NRXN3: variants seen among roughly 807,000 people sequenced by gnomAD.
NRXN3 encodes the protein neurexin 3, also known as neurexin III.
A neutral mutation model predicts 137.6 loss-of-function variants in NRXN3; 32 were observed. The ratio of observed to expected loss-of-function variants is 0.23; its 90% CI spans 0.18 to 0.31. The LOEUF is 0.31. Ranked by LOEUF, NRXN3 falls within the 10% of genes least tolerant of loss-of-function variation. NRXN3 has a pLI of 1.00. For missense variants in NRXN3, 1,574 were observed against 2,062.5 expected (o/e 0.76, Z 4.59); for synonymous variants, 798 against 784.5 (o/e 1.02, Z -0.29).
chr14:79,111,173 T>C (rs988829487), intron 15 of NRXN3, among the ~76,000 whole-genome samples: 1 of 152,082 alleles, frequency 6.6e-6, no homozygotes, highest in Non-Finnish European at 1.5e-5. Context: ...CTGAGGACCA[T>C]TGACTCTGGA....
At chr14:78,823,512 C>T (rs1417970210) in intron 10 of NRXN3, among the ~76,000 whole-genome samples, 1 of 152,160 alleles carries the variant, frequency 6.6e-6, no homozygotes, top group Non-Finnish European at 1.5e-5. Flanking sequence ...CCTGGCACTT[C>T]GCACATCTTT....
chr14:79,144,053 A>C (rs538638219), intron 15 of NRXN3, among the ~76,000 whole-genome samples: 2 of 152,352 alleles, frequency 1.3e-5, no homozygotes, highest in Non-Finnish European at 2.9e-5. Flanking sequence ...ATTGTTAGAA[A>C]TAGCCAAGAA....
intron 2 of NRXN3, among the ~76,000 whole-genome samples, chr14:78,247,557 GTT>G (rs1293901988): frequency 1.3e-5 from 2 of 152,150 alleles, no homozygotes; most frequent in Admixed American, 6.5e-5. Context: ...AACTAGACTT[GTT>G]CATGTTGACA....
chr14:79,545,299 A>G lies in NRXN3; in HGVS notation c.3444+77897A>G, dbSNP rs1017950124. Among the ~76,000 whole-genome samples the G allele has an allele frequency of 2.6e-5, 4 of 152,324 alleles. No homozygotes were observed. The East Asian group carries it at 5.8e-4, about 22-fold the overall frequency. ...AATCCCTTCTTGGGGCCTCTCGGGA[A>G]CAATCTACTTCCTTGCTTTTTCCAG... On this transcript the variant is annotated intron_variant, in intron 16 of 20. Transcript: ENST00000335750.
At chr14:78,803,542 C>A in intron 8 of NRXN3, 78 bp from the exon 9 acceptor site, 2 of 1,369,040 alleles carry the variant, frequency 1.5e-6, no homozygotes, top group South Asian at 1.2e-5. Context: ...TCTCTACTCG[C>A]TTAGCCTGAA....
At chr14:78,977,953 A>G (rs2099474282) in intron 14 of NRXN3, among the ~76,000 whole-genome samples, 1 of 152,170 alleles carries the variant, frequency 6.6e-6, no homozygotes, top group Non-Finnish European at 1.5e-5. Flanking sequence ...TATATCACCA[A>G]TAAAAGGCCA....
intron 10 of NRXN3, among the ~76,000 whole-genome samples, chr14:78,872,191 A>G (rs1052067981): frequency 6.7e-6 from 1 of 149,936 alleles, no homozygotes; most frequent in Non-Finnish European, 1.5e-5. Flanking sequence ...CCTCAATTTT[A>G]TCTTCCAATT....
intron 10 of NRXN3, among the ~76,000 whole-genome samples, chr14:78,849,250 A>G (rs943461422): frequency 2.0e-5 from 3 of 152,082 alleles, no homozygotes; most frequent in African/African-American, 7.2e-5. Context: ...TGGGATGAGA[A>G]GATAATGTAT....
At chr14:78,951,609 C>T (rs1436399694) in intron 10 of NRXN3, among the ~76,000 whole-genome samples, 1 of 152,040 alleles carries the variant, frequency 6.6e-6, no homozygotes, top group Non-Finnish European at 1.5e-5. Flanking sequence ...CTAAAATTAT[C>T]TCATGTTCCT....
intron 14 of NRXN3, among the ~76,000 whole-genome samples, chr14:78,979,325 C>T (rs1218816050): frequency 2.0e-5 from 3 of 152,030 alleles, no homozygotes; most frequent in Non-Finnish European, 4.4e-5. Context: ...TTTTAGCAGT[C>T]GAGACTATAG....
chr14:78,912,286 A>T (rs2099241036), intron 10 of NRXN3, among the ~76,000 whole-genome samples: 1 of 149,702 alleles, frequency 6.7e-6, no homozygotes, highest in African/African-American at 2.4e-5. Context: ...AGGAAGCTTT[A>T]AAAAAAATAC....
chr14:79,732,010 T>A (rs1341174012), intron 19 of NRXN3, among the ~76,000 whole-genome samples: 1 of 152,064 alleles, frequency 6.6e-6, no homozygotes, highest in Non-Finnish European at 1.5e-5. Flanking sequence ...CCCCTCCCAA[T>A]CAGCTCCACC....
At chr14:79,103,467 C>T (rs1250845234) in intron 15 of NRXN3, among the ~76,000 whole-genome samples, 4 of 152,070 alleles carry the variant, frequency 2.6e-5, no homozygotes, top group South Asian at 2.1e-4. Flanking sequence ...ATAATGAGTT[C>T]GTTTTTAGCT....
rs540544891 is a variant in NRXN3 at position 79,578,998 on chromosome 14, C to G, written c.3445-84780C>G. 3.3e-5 allele frequency among the ~76,000 whole-genome samples: 5 copies of G among 152,144 alleles called. No homozygotes were observed. In the South Asian group the frequency reaches 1.0e-3, roughly 32 times the overall value. ...TTATTTAATAATATAGTAATTCTCACCATATTTTAAAATTGCTCTTCAGTT... is the reference window on the plus strand; with the variant it reads ...TTATTTAATAATATAGTAATTCTCAGCATATTTTAAAATTGCTCTTCAGTT... On this transcript the variant is annotated intron_variant, in intron 16 of 20. Coordinates refer to ENST00000335750, the MANE Select transcript of NRXN3 (RefSeq NM_001330195.2).
intron 4 of NRXN3, among the ~76,000 whole-genome samples, chr14:78,348,915 G>A (rs932989647): frequency 6.6e-5 from 10 of 152,288 alleles, no homozygotes; most frequent in South Asian, 2.1e-4. Context: ...AGTGGGCACC[G>A]AGGTCATGTT....
At chr14:79,707,551 GATAAT>G (rs1197852457) in intron 19 of NRXN3, among the ~76,000 whole-genome samples, 1 of 152,122 alleles carries the variant, frequency 6.6e-6, no homozygotes, top group Non-Finnish European at 1.5e-5. Flanking sequence ...GGTAGGTTAA[GATAAT>G]ATAAGTCAAG....
intron 6 of NRXN3, among the ~76,000 whole-genome samples, chr14:78,693,739 C>T (rs1320000192): frequency 2.1e-5 from 3 of 145,668 alleles, no homozygotes; most frequent in Non-Finnish European, 4.5e-5. Flanking sequence ...AGTTCATTCC[C>T]TATGTGACCA....
At chr14:79,197,021 G>A (rs574652002) in intron 15 of NRXN3, among the ~76,000 whole-genome samples, 2 of 152,286 alleles carry the variant, frequency 1.3e-5, no homozygotes, top group Admixed American at 1.3e-4. Context: ...CTTTGCTCAG[G>A]TGGGCTAGGT....
chr14:79,544,299 A>C (rs563461337), intron 16 of NRXN3, among the ~76,000 whole-genome samples: 1 of 152,300 alleles, frequency 6.6e-6, no homozygotes, highest in East Asian at 1.9e-4. Flanking sequence ...TACCTTTGAA[A>C]AGTTTATAAG....
Sources: gnomAD v4.1 joint callset for allele counts (sites outside exome capture counted in the v4.1 genomes callset) on GRCh38, gnomAD v4.1.1 for gene constraint, MANE v1.5 for transcripts, NCBI Gene and HGNC (gene_info 2026-07-23, HGNC 2026-07-21) for gene names.